The following NHLRC2 variants were observed in gnomAD, a reference collection of about 807,000 sequenced individuals.
The protein encoded by NHLRC2 is NHL repeat-containing protein 2.
In NHLRC2, 33 loss-of-function variants were observed where a neutral mutation model predicts 68.1. That is an observed-to-expected ratio of 0.48 (90% CI 0.37 to 0.65). The LOEUF is 0.65. NHLRC2 is among the 30% of genes least tolerant of loss of function. The pLI is 0.00. For missense variants in NHLRC2, 761 were observed against 853.8 expected (o/e 0.89, Z 1.35); for synonymous variants, 311 against 309.6 (o/e 1.00, Z -0.05).
rs1394007858 is a variant in NHLRC2 at position 113,908,566 on chromosome 10, C to G, written c.*30C>G. 1 of 1,610,760 alleles carries G rather than the reference C, an allele frequency of 6.2e-7. No individual in the cohort carries two copies. Among genetic ancestry groups the G allele is most frequent in the Non-Finnish European group, 8.5e-7 (1 of 1,177,756 alleles). On this transcript the variant is annotated 3_prime_UTR_variant, in exon 11 of 11. Coordinates refer to ENST00000369301, the MANE Select transcript of NHLRC2 (RefSeq NM_198514.4). ...CCAGCTAGCTAGCAACCCATTGCCA[C>G]CACCTACTGTCTCCCATCCTGACTA...
intron 2 of NHLRC2, among the ~76,000 whole-genome samples, chr10:113,872,835 A>T (rs1320683328): frequency 6.6e-6 from 1 of 152,104 alleles, no homozygotes; most frequent in Non-Finnish European, 1.5e-5. Context: ...GAGGTCCAAC[A>T]TAAGACTACT....
At chr10:113,857,721 T>C (rs989401095) in intron 1 of NHLRC2, among the ~76,000 whole-genome samples, 2 of 152,150 alleles carry the variant, frequency 1.3e-5, no homozygotes, top group African/African-American at 4.8e-5. Context: ...GAGCTTTCTT[T>C]TTTTGGAGGA....
intron 2 of NHLRC2, among the ~76,000 whole-genome samples, chr10:113,864,018 TGTG>T (rs1364638831): frequency 1.3e-5 from 2 of 152,134 alleles, no homozygotes; most frequent in Non-Finnish European, 2.9e-5. Flanking sequence ...GTGAGGAAAA[TGTG>T]GTGTGTGCAT....
chr10:113,854,771 G>T lies in NHLRC2; in HGVS notation c.-102G>T. On this transcript the variant is annotated 5_prime_UTR_variant, in exon 1 of 11. It adds an upstream start codon to the 5' untranslated region. Coordinates refer to ENST00000369301, the MANE Select transcript of NHLRC2 (RefSeq NM_198514.4). ...GTGGAGTGGGGCTAGTGGAGGGTGA[G>T]GTGAATGCGCCGTTTGGAAACCACA... is the stretch of plus-strand genomic sequence containing the variant. 1.1e-6 allele frequency: 1 copy of T among 940,274 alleles called. No homozygotes were observed. The highest frequency in any genetic ancestry group is 1.6e-6 in the Non-Finnish European group (1 of 640,836). 58.2% of individuals were successfully genotyped at this position (940,274 alleles called of 1,614,324 possible). A position where few individuals can be genotyped will look rare whatever the true frequency, so the allele number is the denominator to read the frequency against.
At chr10:113,879,779 C>T (rs1372900929) in intron 4 of NHLRC2, 84 bp downstream of exon 4, 9 of 919,894 alleles carry the variant, frequency 9.8e-6, no homozygotes, top group African/African-American at 1.8e-5. Flanking sequence ...GAAGTTAAAG[C>T]GTGATTCTTA....
intron 5 of NHLRC2, among the ~76,000 whole-genome samples, chr10:113,888,650 A>G (rs1182519715): frequency 6.6e-6 from 1 of 152,126 alleles, no homozygotes; most frequent in Non-Finnish European, 1.5e-5. Flanking sequence ...TTTAATTGTC[A>G]TTCTTAATGT....
intron 5 of NHLRC2, among the ~76,000 whole-genome samples, chr10:113,890,613 C>T (rs1293973340): frequency 6.6e-6 from 1 of 151,992 alleles, no homozygotes; most frequent in African/African-American, 2.4e-5. Context: ...TGTTAGATTT[C>T]TTCTTAATAT....
At chr10:113,861,881 A>AT (rs375434447) in intron 2 of NHLRC2, among the ~76,000 whole-genome samples, 2,542 of 149,732 alleles carry the variant, frequency 0.017, 67 homozygotes, top group African/African-American at 0.057. Flanking sequence ...TTTTCTATGT[A>AT]TTTTTTTTTT....
At chr10:113,903,148 A>T (rs1176232165) in intron 8 of NHLRC2, among the ~76,000 whole-genome samples, 1 of 152,220 alleles carries the variant, frequency 6.6e-6, no homozygotes, top group Non-Finnish European at 1.5e-5. Context: ...AAGGTAGCAA[A>T]TTCTCAGGCA....
At chr10:113,881,510 A>G (rs1463166829) in intron 4 of NHLRC2, among the ~76,000 whole-genome samples, 1 of 151,152 alleles carries the variant, frequency 6.6e-6, no homozygotes, top group Non-Finnish European at 1.5e-5. Flanking sequence ...GCTCACGAAC[A>G]TTGTTTCATG....
rs1325773631 is a variant in NHLRC2 at position 113,854,725 on chromosome 10, A to C, written c.-148A>C. 3 of 644,946 alleles carry C rather than the reference A, an allele frequency of 4.7e-6. No individual in the cohort carries two copies. In the African/African-American group the frequency reaches 5.7e-5, roughly 12 times the overall value. 40.0% of individuals were successfully genotyped at this position (644,946 alleles called of 1,614,324 possible). A position where few individuals can be genotyped will look rare whatever the true frequency, so the allele number is the denominator to read the frequency against. ...TTTGGCACTTGGACCTATGCTTTAA[A>C]AAGAAAAAAGTGTCATTGGCGTGGA... On this transcript the variant is annotated 5_prime_UTR_variant, in exon 1 of 11. Transcript: ENST00000369301.
Position 113,914,926 on chromosome 10 carries a change from T to A in NHLRC2, c.*6390T>A, listed in dbSNP as rs753272516. ...TAACAAACCCTGGCCCCTTTACATA[T>A]GAGCTCTGGAGGTTCGCCTGGCTGC... On this transcript the variant is annotated 3_prime_UTR_variant, in exon 11 of 11. Coordinates refer to ENST00000369301, the MANE Select transcript of NHLRC2 (RefSeq NM_198514.4). 2.2e-6 allele frequency: 1 copy of A among 453,512 alleles called. No homozygotes were observed. The highest frequency in any genetic ancestry group is 1.6e-5 in the South Asian group (1 of 64,076). The allele number at this position is 453,512 out of a possible 1,614,324, so 28.1% of individuals were successfully genotyped here. A position where few individuals can be genotyped will look rare whatever the true frequency, so the allele number is the denominator to read the frequency against.
chr10:113,881,633 C>A (rs994329489), intron 4 of NHLRC2, among the ~76,000 whole-genome samples: 2 of 151,572 alleles, frequency 1.3e-5, no homozygotes, highest in African/African-American at 2.4e-5. Context: ...CATTGTGATA[C>A]GTTTAATGCA....
At chr10:113,899,638 G>A (rs1416308023) in intron 6 of NHLRC2, among the ~76,000 whole-genome samples, 2 of 152,142 alleles carry the variant, frequency 1.3e-5, no homozygotes, top group Non-Finnish European at 2.9e-5. Context: ...GAAATTGTTC[G>A]GCTGGGTGCG....
rs750296584 is a variant in NHLRC2, at chr10:113,854,856, G to C, written c.-17G>C. 26 of 1,536,738 alleles carry C rather than the reference G, an allele frequency of 1.7e-5. No individual in the cohort carries two copies. Among genetic ancestry groups the C allele is most frequent in the Admixed American group, 4.2e-5 (2 of 47,982 alleles). ...CTCCCGCGGGCCCGGCGGCCGCATC[G>C]GGAGCCCGGCGGAAACATGGCGGCG... On this transcript the variant is annotated 5_prime_UTR_variant, in exon 1 of 11. Transcript: ENST00000369301.
At position 113,898,168 on chromosome 10, in the gene NHLRC2, A is replaced by G; in HGVS notation, c.1098A>G (p.Ile366Met). ...TAGCCATGGCAGGGACTCATCAGAT[A>G]TGGGCACTCCTGCTGGACTCTGGCA... ...LWIAMAGTHQ[I>M]WALLLDSGKL... Residue 366 changes from isoleucine (I) to methionine (M), a missense_variant, in exon 6 of 11, where the codon ATA (isoleucine) becomes ATG (methionine). By Grantham distance (10) the Ile-to-Met change is conservative. Transcript: ENST00000369301. 6.2e-6 allele frequency: 10 copies of G among 1,613,174 alleles called. No homozygotes were observed. The highest frequency in any genetic ancestry group is 8.5e-6 in the Non-Finnish European group (10 of 1,179,186).
intron 2 of NHLRC2, among the ~76,000 whole-genome samples, chr10:113,869,303 T>C (rs550196323): frequency 1.3e-5 from 2 of 152,316 alleles, no homozygotes; most frequent in African/African-American, 4.8e-5. Context: ...GGATGGATGA[T>C]GGTGCCATGC....
chr10:113,867,789 A>G (rs550653560), intron 2 of NHLRC2, among the ~76,000 whole-genome samples: 41 of 152,264 alleles, frequency 2.7e-4, no homozygotes, highest in African/African-American at 9.1e-4. Context: ...AAATGCCTCA[A>G]ATAGTCTCAA....
chr10:113,871,533 G>A (rs369216339), intron 2 of NHLRC2, among the ~76,000 whole-genome samples: 2 of 151,812 alleles, frequency 1.3e-5, no homozygotes, highest in Admixed American at 6.6e-5. Context: ...ATTCTTTATC[G>A]TATTGGAAGT....
Sources: gnomAD v4.1 joint callset for allele counts (sites outside exome capture counted in the v4.1 genomes callset) on GRCh38, gnomAD v4.1.1 for gene constraint, MANE v1.5 for transcripts, NCBI Gene and HGNC (gene_info 2026-07-23, HGNC 2026-07-21) for gene names.